Variants in AKAP6 observed in about 807,000 individuals in gnomAD.
AKAP6 encodes A-kinase anchoring protein 6, also known as A-kinase anchor protein 6.
Under a neutral mutation model 188.5 loss-of-function variants are expected in AKAP6, and 58 were observed. The observed-to-expected ratio is 0.31, with a 90% confidence interval of 0.25 to 0.38. AKAP6 has a LOEUF of 0.38. Among genes scored for constraint, AKAP6 ranks in the 10% least tolerant of loss-of-function variants. The probability of loss-of-function intolerance (pLI) is 1.00; values close to 1 mark genes in which losing one functional copy is unlikely to be tolerated. For synonymous variants in AKAP6, 989 were observed against 998.6 expected, an observed-to-expected ratio of 0.99 and a Z score of 0.18; for missense variants, 2,710 against 2,740.0, an observed-to-expected ratio of 0.99 and a Z score of 0.24.
intron 11 of AKAP6, among the ~76,000 whole-genome samples, chr14:32,739,596 G>A (rs1300017982): frequency 6.6e-6 from 1 of 151,660 alleles, no homozygotes; most frequent in Non-Finnish European, 1.5e-5. Context: ...ATTTTTAGAG[G>A]CCACAAATAA....
chr14:32,450,058 G>T, intron 2 of AKAP6, among the ~76,000 whole-genome samples: 1 of 152,150 alleles, frequency 6.6e-6, no homozygotes, highest in East Asian at 1.9e-4. Flanking sequence ...TTTGGAGATG[G>T]CAGGCCTAGT....
At chr14:32,389,162 C>T (rs1888628340) in intron 1 of AKAP6, among the ~76,000 whole-genome samples, 1 of 152,130 alleles carries the variant, frequency 6.6e-6, no homozygotes, top group Non-Finnish European at 1.5e-5. Context: ...AATAGCTACT[C>T]CTACTTGCTT....
rs1391265983 is a variant in AKAP6, at chr14:32,830,329, G to C, written c.*524G>C. ...CAACATTTGAATTGGTTGCAGCATA[G>C]AGAAGAAACACTGGTCCTTCTTTCA... is the stretch of plus-strand genomic sequence containing the variant. On this transcript the variant is annotated 3_prime_UTR_variant, in exon 14 of 14. Transcript: ENST00000280979. 1 of 182,724 alleles carries C rather than the reference G, an allele frequency of 5.5e-6. No homozygotes were observed. Among genetic ancestry groups the C allele is most frequent in the East Asian group, 1.4e-4 (1 of 7,200 alleles). 11.3% of individuals were successfully genotyped at this position (182,724 alleles called of 1,614,324 possible). A position where few individuals can be genotyped will look rare whatever the true frequency, so the allele number is the denominator to read the frequency against.
chr14:32,482,333 G>A (rs989223976), intron 2 of AKAP6, among the ~76,000 whole-genome samples: 3 of 152,066 alleles, frequency 2.0e-5, no homozygotes, highest in Admixed American at 1.3e-4. Context: ...GTTTTGTTTA[G>A]CCATTCTCTA....
chr14:32,427,571 T>G lies in AKAP6; in HGVS notation c.-34-5889T>G, dbSNP rs138243905. Among the ~76,000 whole-genome samples, 765 of 152,302 alleles carry G rather than the reference T, an allele frequency of 5.0e-3. 9 individuals carry two copies. Among genetic ancestry groups the G allele is most frequent in the African/African-American group, 0.018 (741 of 41,568 alleles). On this transcript the variant is annotated intron_variant, in intron 1 of 13. Coordinates refer to ENST00000280979, the MANE Select transcript of AKAP6 (RefSeq NM_004274.5). ...TCATTCATCTGGCTAGGCAGTGGCA[T>G]TTAATTAACCAATTTATTAAATTTG...
intron 7 of AKAP6, among the ~76,000 whole-genome samples, chr14:32,677,454 C>T (rs1409418931): frequency 6.6e-6 from 1 of 152,162 alleles, no homozygotes; most frequent in Non-Finnish European, 1.5e-5. Context: ...TAGTGAAGCA[C>T]ACAAAAGAAG....
chr14:32,726,804 G>A (rs2030896809), intron 9 of AKAP6, among the ~76,000 whole-genome samples: 1 of 152,196 alleles, frequency 6.6e-6, no homozygotes, highest in South Asian at 2.1e-4. Context: ...GCAAATTTCT[G>A]TTCAGATAGA....
intron 9 of AKAP6, among the ~76,000 whole-genome samples, chr14:32,702,085 A>G (rs1456838732): frequency 6.6e-6 from 1 of 152,190 alleles, no homozygotes; most frequent in African/African-American, 2.4e-5. Flanking sequence ...TGTTCTAGAT[A>G]TATCAGGCAC....
chr14:32,399,054 G>T lies in AKAP6; in HGVS notation c.-34-34406G>T, dbSNP rs184809661. ...ATTTTAGTAGAGACAGGGTTTCACT[G>T]TGTTGCCCAGGCTGATCTTGAACTC... On this transcript the variant is annotated intron_variant, in intron 1 of 13. Transcript: ENST00000280979. 3.4e-4 allele frequency among the ~76,000 whole-genome samples: 51 copies of T among 151,820 alleles called. No homozygotes were observed. In the East Asian group the frequency reaches 9.7e-3, roughly 29 times the overall value.
At chr14:32,787,220 A>T (rs934965512) in intron 12 of AKAP6, among the ~76,000 whole-genome samples, 4 of 152,260 alleles carry the variant, frequency 2.6e-5, no homozygotes, top group Admixed American at 2.0e-4. Context: ...AGAATGAAAG[A>T]AAGGGGGGGA....
chr14:32,786,986 A>G (rs2033441720), intron 12 of AKAP6, among the ~76,000 whole-genome samples: 1 of 152,210 alleles, frequency 6.6e-6, no homozygotes, highest in Non-Finnish European at 1.5e-5. Flanking sequence ...TGGCCCCAAA[A>G]ATACATAACA....
At chr14:32,785,990 A>G (rs1440301404) in intron 12 of AKAP6, among the ~76,000 whole-genome samples, 1 of 152,178 alleles carries the variant, frequency 6.6e-6, no homozygotes, top group Non-Finnish European at 1.5e-5. Context: ...TGATGTCCCC[A>G]AGTAATGTCC....
At chr14:32,626,751 A>G (rs894110539) in intron 7 of AKAP6, among the ~76,000 whole-genome samples, 6 of 152,174 alleles carry the variant, frequency 3.9e-5, no homozygotes, top group Admixed American at 2.6e-4. Flanking sequence ...CTCAGTCAAA[A>G]TTAATCGCAT....
At chr14:32,339,496 G>T (rs1886826493) in intron 1 of AKAP6, among the ~76,000 whole-genome samples, 1 of 152,092 alleles carries the variant, frequency 6.6e-6, no homozygotes, top group Non-Finnish European at 1.5e-5. Flanking sequence ...GAGGAAGCTG[G>T]GGTTTCACAG....
At chr14:32,717,990 T>C (rs989377204) in intron 9 of AKAP6, among the ~76,000 whole-genome samples, 4 of 152,170 alleles carry the variant, frequency 2.6e-5, no homozygotes, top group Non-Finnish European at 5.9e-5. Flanking sequence ...ATTGTCACTT[T>C]GTATGGCATT....
chr14:32,643,723 C>T (rs775173533), intron 7 of AKAP6, among the ~76,000 whole-genome samples: 2 of 152,100 alleles, frequency 1.3e-5, no homozygotes, highest in Non-Finnish European at 2.9e-5. Context: ...ACAAGAGTTA[C>T]AGGTTTTCCT....
chr14:32,821,535 A>T lies in AKAP6; in HGVS notation c.3722A>T (p.Glu1241Val). 6.2e-7 allele frequency: 1 copy of T among 1,613,832 alleles called. No individual in the cohort carries two copies. The highest frequency in any genetic ancestry group is 1.1e-5 in the South Asian group (1 of 91,074). ...LNEESNDLDQ[E>V]LQPVIPSLKL... ...GAGGAATCAAATGACCTTGATCAAG[A>T]ACTCCAACCTGTTATCCCTTCCTTG... is the stretch of plus-strand genomic sequence containing the variant. Residue 1241 changes from glutamate (E) to valine (V), a missense_variant, in exon 13 of 14, where the codon GAA becomes GTA. Around this residue, in one of 2 missense-constraint regions of AKAP6, gnomAD observed 2,473 missense variants for 2,426.1 expected, o/e 1.02. Transcript: ENST00000280979.
chr14:32,560,798 G>A (rs960594362), intron 4 of AKAP6, among the ~76,000 whole-genome samples: 14 of 152,010 alleles, frequency 9.2e-5, no homozygotes, highest in Non-Finnish European at 8.8e-5. Context: ...CTTTAATCCC[G>A]AAGTCATAAT....
At chr14:32,544,098 C>T (rs1479102078) in intron 3 of AKAP6, among the ~76,000 whole-genome samples, 1 of 152,108 alleles carries the variant, frequency 6.6e-6, no homozygotes, top group African/African-American at 2.4e-5. Context: ...CCTGGAGAAG[C>T]CAGATCTGGG....
Sources: gnomAD v4.1 joint callset for allele counts (sites outside exome capture counted in the v4.1 genomes callset) on GRCh38, gnomAD v4.1.1 for gene constraint, gnomAD v4.1.1 regional missense constraint, MANE v1.5 for transcripts, NCBI Gene and HGNC (gene_info 2026-07-23, HGNC 2026-07-21) for gene names.